Variants in ROBO2 observed in about 807,000 individuals in gnomAD.
The protein encoded by ROBO2 is roundabout guidance receptor 2, also known as roundabout homolog 2.
Under a neutral mutation model 160.8 loss-of-function variants are expected in ROBO2, and 53 were observed. That is an observed-to-expected ratio of 0.33 (90% CI 0.26 to 0.41). ROBO2 has a LOEUF of 0.41. Ranked by LOEUF, ROBO2 falls within the 10% of genes least tolerant of loss-of-function variation. The probability of loss-of-function intolerance (pLI) is 1.00; values close to 1 mark genes in which losing one functional copy is unlikely to be tolerated. For missense variants in ROBO2, 1,577 were observed against 1,722.4 expected, an observed-to-expected ratio of 0.92 and a Z score of 1.49; for synonymous variants, 664 against 611.7, an observed-to-expected ratio of 1.09 and a Z score of -1.26.
intron 2 of ROBO2, among the ~76,000 whole-genome samples, chr3:76,155,466 GA>G (rs2072370890): frequency 6.6e-6 from 1 of 152,088 alleles, no homozygotes; most frequent in Non-Finnish European, 1.5e-5. Context: ...TTACAATGGG[GA>G]AAATTAAATT....
intron 2 of ROBO2, among the ~76,000 whole-genome samples, chr3:77,407,004 T>A (rs1040095802): frequency 2.0e-5 from 3 of 152,206 alleles, no homozygotes; most frequent in African/African-American, 7.2e-5. Context: ...ACTCTTTTTA[T>A]ATATAGATAT....
chr3:76,769,113 G>A (rs1393547111), intron 2 of ROBO2, among the ~76,000 whole-genome samples: 1 of 151,348 alleles, frequency 6.6e-6, no homozygotes, highest in African/African-American at 2.4e-5. Flanking sequence ...GCAACACCTA[G>A]CAACCACACA....
chr3:77,511,793 C>G (rs1230703454), intron 5 of ROBO2, among the ~76,000 whole-genome samples: 1 of 151,950 alleles, frequency 6.6e-6, no homozygotes, highest in African/African-American at 2.4e-5. Context: ...GCTTTCAGAA[C>G]AGAACAGCAA....
chr3:77,011,054 C>CTTCCTTCTTTCTTTCTTTCT (rs1553726599), intron 2 of ROBO2, among the ~76,000 whole-genome samples: 2 of 106,746 alleles, frequency 1.9e-5, no homozygotes, highest in Non-Finnish European at 3.7e-5. Context: ...TTCTTTCTTT[C>CTTCCTTCTTTCTTTCTTTCT]TTCTTTCTTT....
chr3:77,466,357 T>C (rs1007559289), intron 2 of ROBO2, among the ~76,000 whole-genome samples: 4 of 152,280 alleles, frequency 2.6e-5, no homozygotes, highest in South Asian at 2.1e-4. Flanking sequence ...AATATGTTTT[T>C]AAAATTCAAA....
At chr3:76,080,700 T>A (rs1218079952) in intron 2 of ROBO2, among the ~76,000 whole-genome samples, 2 of 152,198 alleles carry the variant, frequency 1.3e-5, no homozygotes, top group Non-Finnish European at 2.9e-5. Context: ...TTTCACTTAT[T>A]TCAGGGGCAA....
intron 2 of ROBO2, among the ~76,000 whole-genome samples, chr3:76,855,121 A>G (rs1243330911): frequency 2.6e-5 from 4 of 152,234 alleles, no homozygotes; most frequent in African/African-American, 9.6e-5. Flanking sequence ...ACATGGCTAC[A>G]TAAGTAACCT....
At chr3:76,144,495 G>T (rs1229620875) in intron 2 of ROBO2, among the ~76,000 whole-genome samples, 1 of 151,936 alleles carries the variant, frequency 6.6e-6, no homozygotes, top group Non-Finnish European at 1.5e-5. Context: ...TATATAAAAA[G>T]AAACCAAGGT....
At chr3:77,289,952 G>A (rs1410102937) in intron 2 of ROBO2, among the ~76,000 whole-genome samples, 1 of 152,050 alleles carries the variant, frequency 6.6e-6, no homozygotes, top group Non-Finnish European at 1.5e-5. Flanking sequence ...GCTGAGGCTA[G>A]ATCACCCCAG....
chr3:77,516,282 C>T (rs1287515784), intron 5 of ROBO2, among the ~76,000 whole-genome samples: 1 of 151,586 alleles, frequency 6.6e-6, no homozygotes, highest in Non-Finnish European at 1.5e-5. Flanking sequence ...TGTATATGTA[C>T]ATTTTCTAAT....
chr3:77,189,498 C>T lies in ROBO2; in HGVS notation c.388+91158C>T, dbSNP rs942086591. Among the ~76,000 whole-genome samples, 7 of 151,922 alleles carry T rather than the reference C, an allele frequency of 4.6e-5. No homozygotes were observed. The East Asian group carries it at 5.8e-4, about 13-fold the overall frequency. The stretch of plus-strand genomic sequence containing the variant: ...GCATCACTTACAAACACTCAATCAC[C>T]GTGACATAAAGAAATAGCAAACCTT... On this transcript the variant is annotated intron_variant, in intron 2 of 25. Transcript: ENST00000461745.
chr3:76,949,797 G>T (rs2078851415), intron 2 of ROBO2, among the ~76,000 whole-genome samples: 1 of 152,220 alleles, frequency 6.6e-6, no homozygotes, highest in African/African-American at 2.4e-5. Context: ...TATTTAGGAG[G>T]TTGAGGAGGG....
chr3:75,966,290 T>C (rs1240518066), intron 2 of ROBO2, among the ~76,000 whole-genome samples: 3 of 151,642 alleles, frequency 2.0e-5, no homozygotes, highest in South Asian at 4.1e-4. Flanking sequence ...AAGAGACATA[T>C]GCAAAAAGAA....
intron 2 of ROBO2, among the ~76,000 whole-genome samples, chr3:76,754,312 C>T (rs945528763): frequency 4.6e-5 from 7 of 151,816 alleles, no homozygotes; most frequent in Admixed American, 1.3e-4. Flanking sequence ...TTGAAAGACA[C>T]GAAATATTCT....
chr3:76,677,532 A>G (rs2092440672), intron 2 of ROBO2, among the ~76,000 whole-genome samples: 1 of 152,148 alleles, frequency 6.6e-6, no homozygotes, highest in Admixed American at 6.5e-5. Flanking sequence ...TAATCTGTAG[A>G]GAAACAATCA....
chr3:75,927,389 T>C (rs532338890), intron 1 of ROBO2, among the ~76,000 whole-genome samples: 1 of 152,300 alleles, frequency 6.6e-6, no homozygotes, highest in East Asian at 1.9e-4. Context: ...ATAAGTCTAC[T>C]AAAATCAATA....
intron 2 of ROBO2, among the ~76,000 whole-genome samples, chr3:76,883,911 CA>C (rs1407365860): frequency 6.6e-6 from 1 of 152,114 alleles, no homozygotes; most frequent in African/African-American, 2.4e-5. Context: ...ATGCAATGAA[CA>C]GAATTCAATT....
At chr3:76,587,084 G>A (rs921057767) in intron 2 of ROBO2, among the ~76,000 whole-genome samples, 3 of 152,184 alleles carry the variant, frequency 2.0e-5, no homozygotes, top group African/African-American at 4.8e-5. Context: ...AACAAGGAAG[G>A]GGGGTAGATA....
chr3:77,162,318 A>G (rs2078566942), intron 2 of ROBO2, among the ~76,000 whole-genome samples: 1 of 152,226 alleles, frequency 6.6e-6, no homozygotes, highest in Non-Finnish European at 1.5e-5. Flanking sequence ...TGGTTTAAAT[A>G]TATAATTCTG....
Sources: allele counts gnomAD v4.1 joint callset (sites outside exome capture counted in the v4.1 genomes callset), GRCh38; gene constraint gnomAD v4.1.1; transcripts MANE v1.5; gene names NCBI Gene and HGNC (gene_info 2026-07-23, HGNC 2026-07-21).